The following RICTOR variants were observed in gnomAD, a reference collection of about 807,000 sequenced individuals.
The protein encoded by RICTOR is RPTOR independent companion of MTOR complex 2, also known as rapamycin-insensitive companion of mTOR.
Under a neutral mutation model 214.9 loss-of-function variants are expected in RICTOR, and 49 were observed. The observed-to-expected ratio is 0.23, with a 90% CI of 0.18 to 0.29. The LOEUF (loss-of-function observed/expected upper bound fraction) is 0.29, where lower values mean the gene tolerates loss of function less well. Ranked by LOEUF, RICTOR falls within the 10% of genes least tolerant of loss-of-function variation. The pLI, the probability that RICTOR is intolerant of heterozygous loss-of-function variation, is 1.00. For missense variants in RICTOR, 1,625 were observed against 2,047.0 expected (o/e 0.79, Z 3.98); for synonymous variants, 717 against 711.3 (o/e 1.01, Z -0.13).
chr5:39,066,022 T>C (rs1308788770), intron 2 of RICTOR, among the ~76,000 whole-genome samples: 5 of 152,184 alleles, frequency 3.3e-5, no homozygotes, highest in Non-Finnish European at 7.4e-5. Context: ...CACTGGGGAC[T>C]CTGGGGGGCT....
chr5:39,067,706 C>T (rs1759003844), intron 2 of RICTOR, among the ~76,000 whole-genome samples: 1 of 152,210 alleles, frequency 6.6e-6, no homozygotes, highest in Non-Finnish European at 1.5e-5. Flanking sequence ...ACCTTTTACA[C>T]ATTTATATAA....
chr5:39,055,417 T>TC (rs34660388), intron 2 of RICTOR, among the ~76,000 whole-genome samples: 51,756 of 108,950 alleles, frequency 0.48, 12,035 homozygotes, highest in African/African-American at 0.51. Context: ...CTCTGACAAT[T>TC]CCCCCCCCCC....
chr5:39,027,802 T>C (rs1425289422), intron 2 of RICTOR, among the ~76,000 whole-genome samples: 1 of 152,198 alleles, frequency 6.6e-6, no homozygotes, highest in African/African-American at 2.4e-5. Context: ...AGTATAAAGT[T>C]AATTATCTGA....
chr5:39,004,694 A>G (rs1448866103), intron 3 of RICTOR, among the ~76,000 whole-genome samples: 2 of 149,016 alleles, frequency 1.3e-5, no homozygotes, highest in Non-Finnish European at 3.0e-5. Flanking sequence ...TCCTGACCTT[A>G]GGTGATCCAC....
intron 21 of RICTOR, 30 bp downstream of exon 21, chr5:38,959,749 T>C (rs376738082): frequency 7.3e-5 from 105 of 1,438,988 alleles, no homozygotes; most frequent in Middle Eastern, 1.8e-4. Context: ...AGTTCATGTA[T>C]ATATTGCAAC....
intron 3 of RICTOR, among the ~76,000 whole-genome samples, chr5:39,014,811 C>T (rs1754817904): frequency 6.6e-6 from 1 of 152,110 alleles, no homozygotes; most frequent in Non-Finnish European, 1.5e-5. Flanking sequence ...TTTCTTTATA[C>T]CTTAAAAGGA....
At chr5:38,990,170 G>A (rs1752479262) in intron 7 of RICTOR, among the ~76,000 whole-genome samples, 1 of 152,022 alleles carries the variant, frequency 6.6e-6, no homozygotes, top group Non-Finnish European at 1.5e-5. Context: ...CATTAAAAAA[G>A]GATGAGTTCA....
chr5:38,974,658 C>A (rs1184649960), intron 10 of RICTOR, among the ~76,000 whole-genome samples: 1 of 151,868 alleles, frequency 6.6e-6, no homozygotes, highest in Non-Finnish European at 1.5e-5. Context: ...TCATAGAATC[C>A]TATGGTTGTC....
rs1366266114 is a variant in RICTOR at position 39,074,326 on chromosome 5, T to C, written c.49+3A>G. 12 of 1,543,798 alleles carry C rather than the reference T, an allele frequency of 7.8e-6. No homozygotes were observed. Among genetic ancestry groups the C allele is most frequent in the African/African-American group, 4.2e-5 (3 of 72,032 alleles). Reference sequence around the variant, plus strand: ...TGGGGAGTGAGGGTTGCAGCGGGCTTACCTCGTACTCGGAGGTTCTTCAGA... The same window carrying C: ...TGGGGAGTGAGGGTTGCAGCGGGCTCACCTCGTACTCGGAGGTTCTTCAGA... On this transcript the variant is annotated splice_donor_region_variant and intron_variant, in intron 1 of 37. Transcript: ENST00000357387.
chr5:38,998,762 C>T, intron 5 of RICTOR, among the ~76,000 whole-genome samples: 1 of 151,906 alleles, frequency 6.6e-6, no homozygotes. Context: ...CGCCTGTAAT[C>T]CTAGCATTTT....
At chr5:38,947,129 T>G (rs1748299038) in intron 32 of RICTOR, 135 bp downstream of exon 32, 3 of 631,772 alleles carry the variant, frequency 4.7e-6, no homozygotes, top group Non-Finnish European at 8.4e-6. Context: ...AAAGTTTCTT[T>G]AAACAAAACG....
In RICTOR at chr5:38,942,384, G is replaced by T. The variant is rs895737710; in HGVS notation, c.5053-6C>A. The T allele has an allele frequency of 2.6e-5, 41 of 1,566,550 alleles. No individual in the cohort carries two copies. Among genetic ancestry groups the T allele is most frequent in the Non-Finnish European group, 3.5e-5 (40 of 1,147,350 alleles). ...GCCTCTGCTTCTTCATGCATCTAGG[G>T]AAAAAATGGTGTATCATCAATTACT... On this transcript the variant is annotated splice_polypyrimidine_tract_variant and splice_region_variant and intron_variant, in intron 37 of 37. Coordinates refer to ENST00000357387, the MANE Select transcript of RICTOR (RefSeq NM_152756.5).
At chr5:39,061,465 T>A (rs891104021) in intron 2 of RICTOR, among the ~76,000 whole-genome samples, 2 of 152,010 alleles carry the variant, frequency 1.3e-5, no homozygotes, top group African/African-American at 4.8e-5. Flanking sequence ...AAGTGGGAGG[T>A]CTACTAATTT....
chr5:39,008,805 T>C (rs1230805710), intron 3 of RICTOR, among the ~76,000 whole-genome samples: 1 of 151,910 alleles, frequency 6.6e-6, no homozygotes, highest in Non-Finnish European at 1.5e-5. Context: ...TTTTAAAGAT[T>C]TCTCACATAT....
intron 2 of RICTOR, among the ~76,000 whole-genome samples, chr5:39,071,601 T>G (rs1759328418): frequency 6.6e-6 from 1 of 152,172 alleles, no homozygotes; most frequent in Non-Finnish European, 1.5e-5. Context: ...AAATCAGGGG[T>G]AAAGCAAGGT....
intron 7 of RICTOR, among the ~76,000 whole-genome samples, chr5:38,988,900 G>C (rs1663999379): frequency 6.6e-6 from 1 of 152,160 alleles, no homozygotes; most frequent in Non-Finnish European, 1.5e-5. Flanking sequence ...CATGCTCATG[G>C]ATAGGAAGAA....
chr5:39,057,880 T>C (rs1023966921), intron 2 of RICTOR, among the ~76,000 whole-genome samples: 1 of 152,154 alleles, frequency 6.6e-6, no homozygotes, highest in Non-Finnish European at 1.5e-5. Flanking sequence ...TTAATACTCA[T>C]AGTTAATTAT....
chr5:38,942,266 AT>A lies in RICTOR; in HGVS notation c.*37del, dbSNP rs770051263. On this transcript the variant is annotated 3_prime_UTR_variant, in exon 38 of 38. Transcript: ENST00000357387. ...TTTTAGGAAATCCACAAATATGAAT[AT>A]ATATAGTATGTATCTATATCCATCA... 2.5e-6 allele frequency: 3 copies of A among 1,188,540 alleles called. No individual in the cohort carries two copies. Among genetic ancestry groups the A allele is most frequent in the Non-Finnish European group, 3.7e-6 (3 of 820,544 alleles). The allele number at this position is 1,188,540 out of a possible 1,614,324, so 73.6% of individuals were successfully genotyped here. A position where few individuals can be genotyped will look rare whatever the true frequency, so the allele number is the denominator to read the frequency against.
chr5:39,070,425 C>T (rs1044033230), intron 2 of RICTOR, among the ~76,000 whole-genome samples: 14 of 151,918 alleles, frequency 9.2e-5, no homozygotes, highest in Admixed American at 2.0e-4. Flanking sequence ...GCCGAGATTG[C>T]GCCACTGCAG....
Sources: allele counts gnomAD v4.1 joint callset (sites outside exome capture counted in the v4.1 genomes callset), GRCh38; gene constraint gnomAD v4.1.1; transcripts MANE v1.5; gene names NCBI Gene and HGNC (gene_info 2026-07-23, HGNC 2026-07-21).